ADAMTS12: variants seen among roughly 807,000 people sequenced by gnomAD.
The protein encoded by ADAMTS12 is A disintegrin and metalloproteinase with thrombospondin motifs 12.
Under a neutral mutation model 167.8 loss-of-function variants are expected in ADAMTS12, and 118 were observed. The observed-to-expected ratio is 0.70, with a 90% CI of 0.61 to 0.82. ADAMTS12 has a LOEUF of 0.82. ADAMTS12 is among the 40% of genes least tolerant of loss of function. ADAMTS12 has a pLI of 0.00. For synonymous variants in ADAMTS12, 704 were observed against 716.9 expected, an observed-to-expected ratio of 0.98 and a Z score of 0.29; for missense variants, 1,916 against 1,998.8, an observed-to-expected ratio of 0.96 and a Z score of 0.79.
At chr5:33,880,210 T>G (rs1243974857) in intron 2 of ADAMTS12, among the ~76,000 whole-genome samples, 1 of 152,252 alleles carries the variant, frequency 6.6e-6, no homozygotes, top group Admixed American at 6.5e-5. Flanking sequence ...AACTGTCTCA[T>G]CTGCTAAAAC....
chr5:33,748,389 CAT>C (rs1744865798), intron 3 of ADAMTS12, among the ~76,000 whole-genome samples: 2 of 152,108 alleles, frequency 1.3e-5, no homozygotes, highest in Non-Finnish European at 2.9e-5. Context: ...GCTTAGCAAA[CAT>C]AAGGCTTAGA....
intron 16 of ADAMTS12, among the ~76,000 whole-genome samples, chr5:33,613,686 A>G (rs1055987754): frequency 2.0e-5 from 3 of 152,118 alleles, no homozygotes; most frequent in Non-Finnish European, 4.4e-5. Flanking sequence ...TAAGATTTCA[A>G]TTTTTTTGTT....
intron 2 of ADAMTS12, among the ~76,000 whole-genome samples, chr5:33,880,314 A>G (rs1264743828): frequency 6.6e-6 from 1 of 152,208 alleles, no homozygotes; most frequent in Non-Finnish European, 1.5e-5. Flanking sequence ...ACAGCAGCCA[A>G]TATTCATTGA....
chr5:33,806,600 A>G (rs2112480525), intron 2 of ADAMTS12, among the ~76,000 whole-genome samples: 1 of 101,878 alleles, frequency 9.8e-6, no homozygotes, highest in Middle Eastern at 6.0e-3. Context: ...ATTCCTGCCA[A>G]GGGTACATTA....
intron 23 of ADAMTS12, among the ~76,000 whole-genome samples, chr5:33,531,014 T>C (rs1744070373): frequency 6.6e-6 from 1 of 152,006 alleles, no homozygotes; most frequent in Admixed American, 6.6e-5. Context: ...CCAACCTGAG[T>C]GGTGTCCTTA....
chr5:33,762,688 G>A (rs1224844196), intron 2 of ADAMTS12, among the ~76,000 whole-genome samples: 1 of 152,062 alleles, frequency 6.6e-6, no homozygotes, highest in Non-Finnish European at 1.5e-5. Context: ...GAAGAAAATG[G>A]GGATTCTTCC....
At chr5:33,605,948 C>A (rs577470233) in intron 16 of ADAMTS12, among the ~76,000 whole-genome samples, 26 of 110,122 alleles carry the variant, frequency 2.4e-4, no homozygotes, top group African/African-American at 8.9e-4. Context: ...CCAGAGGCCA[C>A]AATCCTCTCT....
chr5:33,670,917 A>G (rs1169320790), intron 5 of ADAMTS12, among the ~76,000 whole-genome samples: 2 of 152,142 alleles, frequency 1.3e-5, no homozygotes, highest in African/African-American at 2.4e-5. Flanking sequence ...AAACAACCCA[A>G]ATGTCCTTCA....
At chr5:33,754,021 G>T (rs910675138) in intron 2 of ADAMTS12, among the ~76,000 whole-genome samples, 1 of 152,074 alleles carries the variant, frequency 6.6e-6, no homozygotes, top group African/African-American at 2.4e-5. Context: ...GAGTGAGGTG[G>T]GGAATTCCTC....
chr5:33,646,920 C>T (rs1740687832), intron 9 of ADAMTS12, among the ~76,000 whole-genome samples: 1 of 151,894 alleles, frequency 6.6e-6, no homozygotes, highest in South Asian at 2.1e-4. Flanking sequence ...ACCAAATAGA[C>T]TTTTATAAAT....
At chr5:33,700,484 G>C (rs1742959034) in intron 3 of ADAMTS12, among the ~76,000 whole-genome samples, 1 of 152,130 alleles carries the variant, frequency 6.6e-6, no homozygotes, top group Non-Finnish European at 1.5e-5. Flanking sequence ...CAAAATTTTA[G>C]AAATTTTAGG....
At chr5:33,666,202 T>TCCACC (rs1012759161) in intron 5 of ADAMTS12, among the ~76,000 whole-genome samples, 2 of 152,248 alleles carry the variant, frequency 1.3e-5, no homozygotes, top group African/African-American at 4.8e-5. Flanking sequence ...CTGGACACCC[T>TCCACC]CCACCGTTAA....
intron 5 of ADAMTS12, among the ~76,000 whole-genome samples, chr5:33,679,327 G>C (rs1434597442): frequency 6.6e-6 from 1 of 152,198 alleles, no homozygotes; most frequent in Non-Finnish European, 1.5e-5. Flanking sequence ...CCCAAGACTG[G>C]GTAATTTATA....
chr5:33,648,306 G>A (rs1431065197), intron 9 of ADAMTS12, among the ~76,000 whole-genome samples: 1 of 152,234 alleles, frequency 6.6e-6, no homozygotes, highest in East Asian at 1.9e-4. Flanking sequence ...GAAAGATGAT[G>A]AGAGACTGAA....
At chr5:33,541,085 G>A (rs1047275965) in intron 22 of ADAMTS12, among the ~76,000 whole-genome samples, 1 of 152,130 alleles carries the variant, frequency 6.6e-6, no homozygotes. Context: ...AAAAATCTTG[G>A]ACAAAAGGTT....
chr5:33,646,484 A>T (rs780441567), intron 9 of ADAMTS12, among the ~76,000 whole-genome samples: 3 of 152,182 alleles, frequency 2.0e-5, no homozygotes, highest in African/African-American at 4.8e-5. Flanking sequence ...GTCTCATTTG[A>T]CTTTAACTCT....
intron 2 of ADAMTS12, among the ~76,000 whole-genome samples, chr5:33,867,593 T>C (rs55942849): frequency 0.036 from 5,465 of 151,782 alleles, 330 homozygotes; most frequent in African/African-American, 0.13. Flanking sequence ...AAACTACTTA[T>C]ACCCCAAAAG....
chr5:33,633,510 A>G (rs1421320753), intron 12 of ADAMTS12, among the ~76,000 whole-genome samples: 4 of 151,950 alleles, frequency 2.6e-5, no homozygotes, highest in Non-Finnish European at 2.9e-5. Context: ...AGCTCCCACC[A>G]CCATGACCTA....
At chr5:33,773,323 T>C (rs902439686) in intron 2 of ADAMTS12, among the ~76,000 whole-genome samples, 1 of 152,218 alleles carries the variant, frequency 6.6e-6, no homozygotes, top group Non-Finnish European at 1.5e-5. Context: ...GAAGTTTTCA[T>C]AGCCTTAAGA....
Sources: gnomAD v4.1 joint callset for allele counts (sites outside exome capture counted in the v4.1 genomes callset) on GRCh38, gnomAD v4.1.1 for gene constraint, MANE v1.5 for transcripts, NCBI Gene and HGNC (gene_info 2026-07-23, HGNC 2026-07-21) for gene names.